Variants in ERC2 observed in about 807,000 individuals in gnomAD.
The protein encoded by ERC2 is ELKS/RAB6-interacting/CAST family member 2, also known as ERC protein 2.
Under a neutral mutation model 114.8 loss-of-function variants are expected in ERC2, and 42 were observed. That is an observed-to-expected ratio of 0.37 (90% CI 0.29 to 0.47). ERC2 has a LOEUF of 0.47. Ranked by LOEUF, ERC2 falls within the 20% of genes least tolerant of loss-of-function variation. The pLI is 0.99. For synonymous variants in ERC2, 454 were observed against 425.5 expected (o/e 1.07, Z -0.82); for missense variants, 939 against 1,150.7 (o/e 0.82, Z 2.66).
At chr3:55,838,027 A>C (rs1289469897) in intron 14 of ERC2, among the ~76,000 whole-genome samples, 3 of 152,090 alleles carry the variant, frequency 2.0e-5, no homozygotes, top group African/African-American at 7.2e-5. Flanking sequence ...ATGAGGTTAC[A>C]ACAATATTAC....
At chr3:55,600,435 A>G (rs1329004057) in intron 17 of ERC2, among the ~76,000 whole-genome samples, 1 of 152,216 alleles carries the variant, frequency 6.6e-6, no homozygotes, top group East Asian at 1.9e-4. Context: ...GGGCCTCAAG[A>G]AGTACCCACC....
At chr3:55,864,200 T>TATATATATACAC in intron 14 of ERC2, among the ~76,000 whole-genome samples, 1 of 142,398 alleles carries the variant, frequency 7.0e-6, no homozygotes, top group African/African-American at 2.6e-5. Flanking sequence ...TATATACACA[T>TATATATATACAC]ATATATACAC....
chr3:55,975,860 C>T (rs2069551706), intron 12 of ERC2, among the ~76,000 whole-genome samples: 1 of 152,298 alleles, frequency 6.6e-6, no homozygotes, highest in African/African-American at 2.4e-5. Flanking sequence ...TTAGGCTCCC[C>T]ATCTAGTTCT....
chr3:55,887,102 G>C (rs1461289093), intron 14 of ERC2, among the ~76,000 whole-genome samples: 2 of 152,218 alleles, frequency 1.3e-5, no homozygotes, highest in African/African-American at 2.4e-5. Context: ...AGCAGAAACG[G>C]AGGTTGAGGT....
At chr3:55,669,918 T>G (rs1475442463) in intron 17 of ERC2, among the ~76,000 whole-genome samples, 4 of 152,176 alleles carry the variant, frequency 2.6e-5, no homozygotes, top group African/African-American at 4.8e-5. Flanking sequence ...AGTAGATACT[T>G]GATAAATAAT....
intron 17 of ERC2, among the ~76,000 whole-genome samples, chr3:55,629,229 G>C (rs970735391): frequency 3.3e-5 from 5 of 152,202 alleles, no homozygotes; most frequent in South Asian, 2.1e-4. Flanking sequence ...CTATCATAGG[G>C]ATGCCTAGGG....
rs996310204 is a variant in ERC2, at chr3:56,437,645, G to T, written c.-140-2498C>A. On this transcript the variant is annotated intron_variant, in intron 1 of 17. Coordinates refer to ENST00000288221, the MANE Select transcript of ERC2 (RefSeq NM_015576.3). ...GAACTTCATTTCAAATGTTTATGTT[G>T]CTCAGGGCTTAATTTTGTTTTTCTT... 7.6e-4 allele frequency among the ~76,000 whole-genome samples: 116 copies of T among 152,212 alleles called. 3 individuals are homozygous for T. The highest frequency in any genetic ancestry group is 5.2e-4 in the Admixed American group (8 of 15,296).
chr3:55,943,423 A>G (rs1028915953), intron 13 of ERC2, among the ~76,000 whole-genome samples: 3 of 152,052 alleles, frequency 2.0e-5, no homozygotes, highest in Non-Finnish European at 4.4e-5. Context: ...CTTTTGAAGC[A>G]TGATTCTGGT....
At chr3:55,579,945 C>T (rs941842924) in intron 17 of ERC2, among the ~76,000 whole-genome samples, 1 of 152,226 alleles carries the variant, frequency 6.6e-6, no homozygotes, top group Non-Finnish European at 1.5e-5. Flanking sequence ...TCTACACATT[C>T]CATGCTAAGC....
intron 14 of ERC2, among the ~76,000 whole-genome samples, chr3:55,831,469 A>T (rs2060584005): frequency 6.9e-6 from 1 of 144,922 alleles, no homozygotes; most frequent in South Asian, 2.3e-4. Flanking sequence ...AAGGGCAGGA[A>T]ATCCAAATAA....
At chr3:55,946,408 G>T (rs940418852) in intron 13 of ERC2, among the ~76,000 whole-genome samples, 9 of 152,048 alleles carry the variant, frequency 5.9e-5, no homozygotes, top group Non-Finnish European at 4.4e-5. Context: ...TTACTGGTGT[G>T]TGTTCTATAT....
chr3:55,698,977 A>G (rs901544954), intron 16 of ERC2, among the ~76,000 whole-genome samples: 1 of 152,176 alleles, frequency 6.6e-6, no homozygotes, highest in Non-Finnish European at 1.5e-5. Context: ...AATTTGCATC[A>G]CTAAAGAATT....
intron 12 of ERC2, among the ~76,000 whole-genome samples, chr3:55,958,495 G>T (rs940086294): frequency 2.6e-5 from 4 of 152,178 alleles, no homozygotes; most frequent in African/African-American, 4.8e-5. Flanking sequence ...TGAAGGTGGG[G>T]CTTCACCAGG....
intron 3 of ERC2, among the ~76,000 whole-genome samples, chr3:56,221,231 A>T (rs1412263869): frequency 6.6e-6 from 1 of 152,032 alleles, no homozygotes; most frequent in Non-Finnish European, 1.5e-5. Context: ...GCTTTTTGTC[A>T]GGCTAACATT....
chr3:56,230,928 A>T (rs1396638524), intron 3 of ERC2, among the ~76,000 whole-genome samples: 3 of 152,260 alleles, frequency 2.0e-5, no homozygotes, highest in African/African-American at 7.2e-5. Context: ...TAAGAAAATT[A>T]AAAATAGGAT....
chr3:55,613,266 C>G (rs1298598412), intron 17 of ERC2, among the ~76,000 whole-genome samples: 3 of 152,168 alleles, frequency 2.0e-5, no homozygotes, highest in Non-Finnish European at 4.4e-5. Flanking sequence ...ACCTCAGACA[C>G]TCATAGGATT....
At chr3:55,717,649 G>C (rs780144687) in intron 15 of ERC2, among the ~76,000 whole-genome samples, 8 of 152,200 alleles carry the variant, frequency 5.3e-5, no homozygotes, top group Non-Finnish European at 1.0e-4. Context: ...TAAGAGATCT[G>C]AGAAACATCC....
intron 17 of ERC2, among the ~76,000 whole-genome samples, chr3:55,596,632 A>T (rs1416010359): frequency 1.3e-5 from 2 of 152,216 alleles, no homozygotes; most frequent in African/African-American, 2.4e-5. Context: ...GTTGCTTTTA[A>T]AATGGAAAAT....
intron 2 of ERC2, among the ~76,000 whole-genome samples, chr3:56,362,259 A>G (rs1055429915): frequency 1.3e-5 from 2 of 152,228 alleles, no homozygotes; most frequent in Admixed American, 6.5e-5. Flanking sequence ...TAGAGCTTCA[A>G]GGTTCCTCAG....
Sources: gnomAD v4.1 joint callset for allele counts (sites outside exome capture counted in the v4.1 genomes callset) on GRCh38, gnomAD v4.1.1 for gene constraint, MANE v1.5 for transcripts, NCBI Gene and HGNC (gene_info 2026-07-23, HGNC 2026-07-21) for gene names.